ROR1: variants seen among roughly 807,000 people sequenced by gnomAD.
ROR1 encodes inactive tyrosine-protein kinase transmembrane receptor ROR1.
Under a neutral mutation model 78.8 loss-of-function variants are expected in ROR1, and 19 were observed. The ratio of observed to expected loss-of-function variants is 0.24; its 90% confidence interval spans 0.17 to 0.35. ROR1 has a LOEUF of 0.35. Among genes scored for constraint, ROR1 ranks in the 10% least tolerant of loss-of-function variants. ROR1 has a pLI of 1.00. For synonymous variants in ROR1, 386 were observed against 433.6 expected, an observed-to-expected ratio of 0.89 and a Z score of 1.36; for missense variants, 917 against 1,177.8, an observed-to-expected ratio of 0.78 and a Z score of 3.24.
intron 2 of ROR1, among the ~76,000 whole-genome samples, chr1:64,030,069 A>G (rs1646647394): frequency 6.6e-6 from 1 of 152,092 alleles, no homozygotes; most frequent in East Asian, 1.9e-4. Flanking sequence ...TTTTACCCAA[A>G]CTACATTATA....
At chr1:64,094,070 C>G (rs553541165) in intron 4 of ROR1, among the ~76,000 whole-genome samples, 7 of 152,160 alleles carry the variant, frequency 4.6e-5, no homozygotes, top group African/African-American at 1.7e-4. Context: ...ACAATGCCAA[C>G]TATTGCTTGT....
chr1:64,060,099 TTTTC>T (rs768774959), intron 4 of ROR1, among the ~76,000 whole-genome samples: 1 of 152,172 alleles, frequency 6.6e-6, no homozygotes, highest in African/African-American at 2.4e-5. Flanking sequence ...TGAATTTAAG[TTTTC>T]TTTCTTTCTT....
chr1:63,917,564 A>T (rs1645618495), intron 1 of ROR1, among the ~76,000 whole-genome samples: 1 of 152,202 alleles, frequency 6.6e-6, no homozygotes, highest in African/African-American at 2.4e-5. Context: ...GATTTGTATG[A>T]TCTATTGTTT....
intron 1 of ROR1, among the ~76,000 whole-genome samples, chr1:63,944,893 A>C (rs559558157): frequency 3.8e-4 from 58 of 152,202 alleles, no homozygotes; most frequent in Non-Finnish European, 6.5e-4. Context: ...CAGGGGTGTT[A>C]TAAGGATAAA....
At position 63,937,753 on chromosome 1, in the gene ROR1, G is replaced by A. The variant is rs116857401; in HGVS notation, c.92-71552G>A. ...GAGGCAAGAAGAAATATGTCATAGA[G>A]GAAGTTAATATTTCATTAGTGTGTT... On this transcript the variant is annotated intron_variant, in intron 1 of 8. Coordinates refer to ENST00000371079, the MANE Select transcript of ROR1 (RefSeq NM_005012.4). Among the ~76,000 whole-genome samples the A allele has an allele frequency of 4.0e-4, 61 of 152,268 alleles. 1 individual carries two copies. The East Asian group carries it at 0.011, about 28-fold the overall frequency.
intron 1 of ROR1, among the ~76,000 whole-genome samples, chr1:63,790,199 C>G (rs1056099779): frequency 6.6e-6 from 1 of 152,202 alleles, no homozygotes; most frequent in East Asian, 1.9e-4. Flanking sequence ...GGGTTGGATG[C>G]TCCTTACAGT....
Position 63,843,255 on chromosome 1 carries a change from C to A in ROR1, c.91+68747C>A, listed in dbSNP as rs142409191. The stretch of plus-strand genomic sequence containing the variant: ...CCCCAGCTTCTCTGCCAGGGTGCAG[C>A]GGTCCTTGACCTCCTTGTAGCAGTT... On this transcript the variant is annotated intron_variant, in intron 1 of 8. Transcript: ENST00000371079. 3 of 1,502,236 alleles carry A rather than the reference C, an allele frequency of 2.0e-6. No homozygotes were observed. In the African/African-American group the frequency reaches 4.1e-5, roughly 21 times the overall value. 93.1% of individuals were successfully genotyped at this position (1,502,236 alleles called of 1,614,324 possible). A position where few individuals can be genotyped will look rare whatever the true frequency, so the allele number is the denominator to read the frequency against.
At position 64,049,942 on chromosome 1, in the gene ROR1, G is replaced by A. The variant is rs371038020; in HGVS notation, c.415G>A (p.Val139Met). 5.6e-6 allele frequency: 9 copies of A among 1,614,086 alleles called. No homozygotes were observed. The highest frequency in any genetic ancestry group is 3.3e-4 in the Middle Eastern group (2 of 6,084). The change falls in exon 3 of 9, where the codon GTG becomes ATG. Residue 139 changes from valine (V) to methionine (M), a missense_variant. By Grantham distance (21) the Val-to-Met change is conservative (BLOSUM62 1). Around this residue, in one of 3 missense-constraint regions of ROR1, gnomAD observed 835 missense variants for 1,069.8 expected, o/e 0.78. Transcript: ENST00000371079. ...FQCVATNGKE[V>M]VSSTGVLFVK... ...GTGCGTGGCAACAAACGGCAAGGAG[G>A]TGGTTTCTTCCACTGGAGTCTTGTT...
At chr1:64,122,296 G>T (rs1272253456) in intron 4 of ROR1, among the ~76,000 whole-genome samples, 2 of 152,204 alleles carry the variant, frequency 1.3e-5, no homozygotes, top group Non-Finnish European at 2.9e-5. Context: ...GGATGGGGAA[G>T]AAGGAACTAA....
rs115340394 is a variant in ROR1, at chr1:63,854,407, A to T, written c.91+79899A>T. On this transcript the variant is annotated intron_variant, in intron 1 of 8. Coordinates refer to ENST00000371079, the MANE Select transcript of ROR1 (RefSeq NM_005012.4). ...TTGGCTTTCTGCTTCCTTCCATGGT[A>T]GGTAGACTTTTCTACATATTTTCCA... is the stretch of plus-strand genomic sequence containing the variant. 2.3e-3 allele frequency among the ~76,000 whole-genome samples: 347 copies of T among 152,350 alleles called. 1 individual carries two copies. The highest frequency in any genetic ancestry group is 8.1e-3 in the African/African-American group (338 of 41,584).
At chr1:63,810,810 T>C (rs568234881) in intron 1 of ROR1, among the ~76,000 whole-genome samples, 1 of 152,336 alleles carries the variant, frequency 6.6e-6, no homozygotes, top group Non-Finnish European at 1.5e-5. Flanking sequence ...AATACTGGAT[T>C]GCAAATGGCC....
intron 1 of ROR1, among the ~76,000 whole-genome samples, chr1:63,869,657 A>G (rs868209560): frequency 1.3e-5 from 2 of 152,222 alleles, no homozygotes; most frequent in Non-Finnish European, 2.9e-5. Flanking sequence ...AAGGAACCCA[A>G]CTTGTATCCA....
At chr1:64,136,852 T>C (rs767117606) in intron 4 of ROR1, among the ~76,000 whole-genome samples, 1 of 152,100 alleles carries the variant, frequency 6.6e-6, no homozygotes, top group Non-Finnish European at 1.5e-5. Flanking sequence ...GTAGAGATAA[T>C]GGAGGTTCAG....
chr1:64,063,048 A>C (rs1194621837), intron 4 of ROR1, among the ~76,000 whole-genome samples: 3 of 152,228 alleles, frequency 2.0e-5, no homozygotes, highest in Non-Finnish European at 4.4e-5. Context: ...CTTAGAAAGA[A>C]GTGAAACCCC....
intron 1 of ROR1, among the ~76,000 whole-genome samples, chr1:64,006,226 C>T (rs1002867850): frequency 1.3e-5 from 2 of 152,170 alleles, no homozygotes; most frequent in Admixed American, 6.6e-5. Context: ...TAAATGCTGT[C>T]AAGGTTCATT....
intron 1 of ROR1, among the ~76,000 whole-genome samples, chr1:63,940,498 C>CAGACAGACAGACAGAT (rs1230477303): frequency 5.3e-5 from 4 of 75,138 alleles, no homozygotes; most frequent in African/African-American, 9.4e-5. Context: ...GATAGACAGA[C>CAGACAGACAGACAGAT]AGATAGATAG....
chr1:63,920,721 C>T lies in ROR1; in HGVS notation c.92-88584C>T, dbSNP rs543373558. 3.3e-5 allele frequency among the ~76,000 whole-genome samples: 5 copies of T among 152,318 alleles called. 1 individual carries two copies. The South Asian group carries it at 1.0e-3, about 32-fold the overall frequency. Reference sequence around the variant, plus strand: ...CACTTAATCATTTCCCTGGAATCCACTGGAATAATTTTTTTATGCATTACA... The same window carrying T: ...CACTTAATCATTTCCCTGGAATCCATTGGAATAATTTTTTTATGCATTACA... On this transcript the variant is annotated intron_variant, in intron 1 of 8. Transcript: ENST00000371079.
intron 2 of ROR1, among the ~76,000 whole-genome samples, chr1:64,017,352 A>C (rs1223118773): frequency 6.6e-6 from 1 of 152,138 alleles, no homozygotes; most frequent in East Asian, 1.9e-4. Context: ...CATGAAAATC[A>C]GTTCCCTTTG....
At chr1:64,119,583 G>A (rs1030504243) in intron 4 of ROR1, among the ~76,000 whole-genome samples, 1 of 148,510 alleles carries the variant, frequency 6.7e-6, no homozygotes, top group Non-Finnish European at 1.5e-5. Flanking sequence ...AGGTTGCAGT[G>A]AGCCCAGACT....
Sources: allele counts gnomAD v4.1 joint callset (sites outside exome capture counted in the v4.1 genomes callset), GRCh38; gene constraint gnomAD v4.1.1; regional missense constraint gnomAD v4.1.1; transcripts MANE v1.5; gene names NCBI Gene and HGNC (gene_info 2026-07-23, HGNC 2026-07-21).